The following TBCK variants were observed in gnomAD, a reference collection of about 807,000 sequenced individuals.
The protein encoded by TBCK is TBC domain-containing protein kinase-like protein.
A neutral mutation model predicts 113.4 loss-of-function variants in TBCK; 99 were observed. That is an observed-to-expected ratio of 0.87 (90% CI 0.74 to 1.03). The LOEUF is 1.03. Ranked by LOEUF, TBCK falls within the 50% of genes least tolerant of loss-of-function variation. The pLI, the probability that TBCK is intolerant of heterozygous loss-of-function variation, is 0.00. For missense variants in TBCK, 1,045 were observed against 1,061.3 expected, an observed-to-expected ratio of 0.98 and a Z score of 0.21; for synonymous variants, 369 against 370.8, an observed-to-expected ratio of 1.00 and a Z score of 0.05.
At chr4:106,053,923 C>T (rs1735097395) in intron 25 of TBCK, among the ~76,000 whole-genome samples, 1 of 151,678 alleles carries the variant, frequency 6.6e-6, no homozygotes, top group African/African-American at 2.4e-5. Flanking sequence ...AATCTGATCA[C>T]TTCTCACTGC....
intron 3 of TBCK, among the ~76,000 whole-genome samples, chr4:106,277,579 G>A (rs1764159111): frequency 6.6e-6 from 1 of 152,098 alleles, no homozygotes; most frequent in Non-Finnish European, 1.5e-5. Context: ...GAAGGAAGAA[G>A]TCTTACACAA....
chr4:106,300,102 G>C (rs1276652259), intron 2 of TBCK, among the ~76,000 whole-genome samples: 2 of 152,168 alleles, frequency 1.3e-5, no homozygotes, highest in African/African-American at 4.8e-5. Flanking sequence ...TTCTATAAGG[G>C]GGAGTTTCCT....
chr4:106,069,280 C>T (rs1737068570), intron 25 of TBCK, among the ~76,000 whole-genome samples: 1 of 152,086 alleles, frequency 6.6e-6, no homozygotes, highest in African/African-American at 2.4e-5. Context: ...GGTTTTAGGT[C>T]TAATATTTAA....
intron 25 of TBCK, among the ~76,000 whole-genome samples, chr4:106,071,032 C>T (rs9685614): frequency 1 from 152,022 of 152,336 alleles, 75,859 homozygotes; most frequent in Middle Eastern, 1. Context: ...ATTTTGTTGA[C>T]CTTTTCAACA....
chr4:106,132,217 A>T (rs1364414820), intron 23 of TBCK, among the ~76,000 whole-genome samples: 2 of 152,166 alleles, frequency 1.3e-5, no homozygotes, highest in African/African-American at 4.8e-5. Context: ...CCATCCTATC[A>T]CAGGCCTGGA....
chr4:106,271,278 C>T (rs971555112), intron 3 of TBCK, among the ~76,000 whole-genome samples: 3 of 152,012 alleles, frequency 2.0e-5, no homozygotes, highest in African/African-American at 4.8e-5. Flanking sequence ...CATAATGACC[C>T]AGGAATACTG....
intron 3 of TBCK, among the ~76,000 whole-genome samples, chr4:106,286,770 T>C (rs1039834143): frequency 2.0e-5 from 3 of 151,588 alleles, no homozygotes; most frequent in African/African-American, 7.3e-5. Context: ...AAGGCTACAG[T>C]AAGCAGCGAT....
chr4:106,260,432 C>T lies in TBCK; in HGVS notation c.455+5G>A. On this transcript the variant is annotated splice_donor_5th_base_variant and intron_variant, in intron 5 of 25. Transcript: ENST00000394708. ...AACTCAAAATAGAGGAAAACATATCCTTACCCTATTGGGAAATCAACATCA... is the reference window on the plus strand; with the variant it reads ...AACTCAAAATAGAGGAAAACATATCTTTACCCTATTGGGAAATCAACATCA... 6 of 1,302,696 alleles carry T rather than the reference C, an allele frequency of 4.6e-6. No individual in the cohort carries two copies. The highest frequency in any genetic ancestry group is 6.1e-6 in the Non-Finnish European group (6 of 983,512). 80.7% of individuals were successfully genotyped at this position (1,302,696 alleles called of 1,614,324 possible).
chr4:106,120,537 T>C (rs10005996), intron 23 of TBCK, among the ~76,000 whole-genome samples: 60,377 of 151,800 alleles, frequency 0.4, 12,304 homozygotes, highest in South Asian at 0.47. Context: ...AAAAAGACAG[T>C]AGTAACCTCT....
chr4:106,095,005 C>T (rs1213308934), intron 25 of TBCK, among the ~76,000 whole-genome samples: 2 of 152,184 alleles, frequency 1.3e-5, no homozygotes, highest in South Asian at 2.1e-4. Context: ...TTGCTTAGAA[C>T]ATAGCCATGG....
At position 106,251,886 on chromosome 4, in the gene TBCK, T is replaced by C; in HGVS notation, c.577A>G (p.Ile193Val). 1 of 1,603,346 alleles carries C rather than the reference T, an allele frequency of 6.2e-7. No individual in the cohort carries two copies. Among genetic ancestry groups the C allele is most frequent in the Non-Finnish European group, 8.5e-7 (1 of 1,174,690 alleles). ...PKSDVWSLGI[I>V]LFELCVGRKL... ...CATACCACACAAAGCTCAAATAAAATGATTCCAAGAGACCATACATCTGAT... is the reference window on the plus strand; with the variant it reads ...CATACCACACAAAGCTCAAATAAAACGATTCCAAGAGACCATACATCTGAT... Residue 193 changes from isoleucine to valine, a missense_variant, in exon 6 of 26, where the codon ATT becomes GTT. Coordinates refer to ENST00000394708, the MANE Select transcript of TBCK (RefSeq NM_001163435.3).
intron 20 of TBCK, among the ~76,000 whole-genome samples, chr4:106,201,819 T>A (rs1754916709): frequency 6.6e-6 from 1 of 152,044 alleles, no homozygotes; most frequent in Non-Finnish European, 1.5e-5. Flanking sequence ...GCATACTATA[T>A]TGTCTATCTT....
At position 106,235,374 on chromosome 4, in the gene TBCK, T is replaced by C. The variant is rs1388234207; in HGVS notation, c.1351-7A>G. 1 of 1,579,164 alleles carries C rather than the reference T, an allele frequency of 6.3e-7. No homozygotes were observed. Among genetic ancestry groups the C allele is most frequent in the Non-Finnish European group, 8.6e-7 (1 of 1,159,182 alleles). The stretch of plus-strand genomic sequence containing the variant: ...TTTTTTTATATGGATAAGCCTATGA[T>C]ATCAAAAAAGAAATGAAAACGTCTC... On this transcript the variant is annotated splice_polypyrimidine_tract_variant and splice_region_variant and intron_variant, in intron 14 of 25. Transcript: ENST00000394708.
intron 20 of TBCK, among the ~76,000 whole-genome samples, chr4:106,204,448 T>C (rs936402724): frequency 1.3e-5 from 2 of 152,200 alleles, no homozygotes; most frequent in Non-Finnish European, 1.5e-5. Context: ...TTGCTCTTTT[T>C]ACTGGATTGA....
At chr4:106,219,162 T>C (rs1415139079) in intron 19 of TBCK, among the ~76,000 whole-genome samples, 20 of 140,730 alleles carry the variant, frequency 1.4e-4, no homozygotes, top group African/African-American at 3.0e-4. Context: ...TAGGTGGGAA[T>C]TGAACAATGA....
chr4:106,119,448 C>T (rs2149579413), intron 23 of TBCK, among the ~76,000 whole-genome samples: 1 of 152,018 alleles, frequency 6.6e-6, no homozygotes, highest in South Asian at 2.1e-4. Flanking sequence ...GCTAGAAAAA[C>T]TGAATATCTA....
At chr4:106,294,222 G>A (rs961238846) in intron 3 of TBCK, among the ~76,000 whole-genome samples, 7 of 151,168 alleles carry the variant, frequency 4.6e-5, no homozygotes, top group African/African-American at 7.3e-5. Flanking sequence ...ATGGAGTCGC[G>A]CTCTTTTGCC....
chr4:106,081,071 G>A (rs776366499), intron 25 of TBCK, among the ~76,000 whole-genome samples: 1 of 152,236 alleles, frequency 6.6e-6, no homozygotes, highest in Non-Finnish European at 1.5e-5. Context: ...ATTGGTGTTA[G>A]TGTAAGTTAG....
chr4:106,229,252 G>A (rs1758583949), intron 19 of TBCK, among the ~76,000 whole-genome samples: 1 of 151,896 alleles, frequency 6.6e-6, no homozygotes, highest in Admixed American at 6.6e-5. Flanking sequence ...TTAACTTGAT[G>A]TGATCTCATT....
Sources: gnomAD v4.1 joint callset for allele counts (sites outside exome capture counted in the v4.1 genomes callset) on GRCh38, gnomAD v4.1.1 for gene constraint, MANE v1.5 for transcripts, NCBI Gene and HGNC (gene_info 2026-07-23, HGNC 2026-07-21) for gene names.